The following KIZ variants were observed in gnomAD, a reference collection of about 807,000 sequenced individuals.
KIZ encodes the protein kizuna centrosomal protein.
A neutral mutation model predicts 79.6 loss-of-function variants in KIZ; 68 were observed. The observed-to-expected ratio is 0.85, with a 90% CI of 0.70 to 1.05. The LOEUF (loss-of-function observed/expected upper bound fraction) is 1.05, where lower values mean the gene tolerates loss of function less well. Among genes scored for constraint, KIZ ranks in the 50% least tolerant of loss-of-function variants. The pLI, the probability that KIZ is intolerant of heterozygous loss-of-function variation, is 0.00. For missense variants in KIZ, 797 were observed against 800.4 expected, an observed-to-expected ratio of 1.00 and a Z score of 0.05; for synonymous variants, 280 against 281.8, an observed-to-expected ratio of 0.99 and a Z score of 0.06.
chr20:21,127,702 T>G (rs1364418505), intron 1 of KIZ, among the ~76,000 whole-genome samples: 1 of 152,236 alleles, frequency 6.6e-6, no homozygotes, highest in Non-Finnish European at 1.5e-5. Context: ...GACACAGTTA[T>G]AGAGGCAAAT....
At chr20:21,203,855 G>A (rs184534524) in intron 6 of KIZ, among the ~76,000 whole-genome samples, 1 of 151,834 alleles carries the variant, frequency 6.6e-6, no homozygotes, top group African/African-American at 2.4e-5. Flanking sequence ...CAGTTCAGTA[G>A]TGTTAAATAT....
chr20:21,137,701 A>G (rs772229290), intron 3 of KIZ, among the ~76,000 whole-genome samples: 1 of 151,854 alleles, frequency 6.6e-6, no homozygotes, highest in Non-Finnish European at 1.5e-5. Flanking sequence ...TAAGCACTTG[A>G]GCGTGGATCT....
At chr20:21,142,673 TC>T (rs1424411236) in intron 3 of KIZ, among the ~76,000 whole-genome samples, 1 of 152,010 alleles carries the variant, frequency 6.6e-6, no homozygotes, top group Non-Finnish European at 1.5e-5. Flanking sequence ...TGTGCTCTAG[TC>T]CCAGCTATTT....
chr20:21,189,350 G>A (rs978424979), intron 6 of KIZ, among the ~76,000 whole-genome samples: 5 of 152,134 alleles, frequency 3.3e-5, no homozygotes, highest in African/African-American at 9.7e-5. Flanking sequence ...AATTACCAAA[G>A]AGAGAATGCT....
At chr20:21,238,110 C>T (rs762546058) in intron 11 of KIZ, among the ~76,000 whole-genome samples, 1 of 152,050 alleles carries the variant, frequency 6.6e-6, no homozygotes, top group African/African-American at 2.4e-5. Context: ...GGATTATAGG[C>T]GAGCCACCAT....
intron 9 of KIZ, among the ~76,000 whole-genome samples, chr20:21,224,638 G>T (rs2036603994): frequency 6.6e-6 from 1 of 151,962 alleles, no homozygotes; most frequent in African/African-American, 2.4e-5. Flanking sequence ...TCCCTTTGTT[G>T]TTTTTTTCTG....
At chr20:21,212,008 G>C (rs1439282324) in intron 7 of KIZ, among the ~76,000 whole-genome samples, 1 of 152,192 alleles carries the variant, frequency 6.6e-6, no homozygotes, top group Non-Finnish European at 1.5e-5. Context: ...AGAATCACTT[G>C]AACCTGGGAG....
In KIZ at chr20:21,163,009, A is replaced by G. The variant is rs1056436234; in HGVS notation, c.1202A>G (p.Lys401Arg). The change falls in exon 6 of 13, where the codon AAG (lysine) becomes AGG (arginine). Residue 401 changes from lysine to arginine, a missense_variant. Transcript: ENST00000619189. Reference protein sequence around the residue: ...SPEPQPNPGGKMEGEDGIEAL... With the variant: ...SPEPQPNPGGRMEGEDGIEAL... ...GAACCACAGCCAAATCCAGGTGGCA[A>G]GATGGAGGGAGAAGATGGAATAGAG... 1 of 1,613,856 alleles carries G rather than the reference A, an allele frequency of 6.2e-7. No individual in the cohort carries two copies. The highest frequency in any genetic ancestry group is 1.3e-5 in the African/African-American group (1 of 74,926).
intron 6 of KIZ, chr20:21,197,507 A>G (rs1378156936): frequency 6.6e-6 from 1 of 152,250 alleles, no homozygotes; most frequent in Non-Finnish European, 1.5e-5. Context: ...ATATAAAATT[A>G]GCCTTTTCTG....
chr20:21,211,200 C>T (rs2036054132), intron 7 of KIZ, among the ~76,000 whole-genome samples: 1 of 152,096 alleles, frequency 6.6e-6, no homozygotes, highest in Admixed American at 6.6e-5. Flanking sequence ...TTAAACTGAA[C>T]ATGGAGGAAA....
At chr20:21,217,578 A>T (rs1443314182) in intron 9 of KIZ, among the ~76,000 whole-genome samples, 1 of 152,152 alleles carries the variant, frequency 6.6e-6, no homozygotes, top group Admixed American at 6.6e-5. Context: ...GAAATGTAGC[A>T]GTTGGGCTGG....
At chr20:21,221,580 GT>G (rs978615206) in intron 9 of KIZ, among the ~76,000 whole-genome samples, 1 of 152,212 alleles carries the variant, frequency 6.6e-6, no homozygotes, top group Non-Finnish European at 1.5e-5. Context: ...GTCAAGCTGT[GT>G]TGAAAGTGGT....
chr20:21,126,002 T>C (rs938428890), upstream of KIZ: 1 of 1,324,566 alleles, frequency 7.5e-7, no homozygotes, highest in Admixed American at 3.9e-5. Flanking sequence ...CCCCGCCTCC[T>C]GCAGGCGGCC....
At chr20:21,210,836 A>C (rs2036037345) in intron 7 of KIZ, among the ~76,000 whole-genome samples, 1 of 150,890 alleles carries the variant, frequency 6.6e-6, no homozygotes, top group Admixed American at 6.6e-5. Flanking sequence ...TGACCTTTTT[A>C]TTACAATTGA....
rs759589460 is a variant in KIZ, at chr20:21,229,060, A to C, written c.1728A>C (p.Thr576=). The change falls in exon 10 of 13, where the codon ACA becomes ACC. Residue 576 remains threonine, a synonymous_variant. Coordinates refer to ENST00000619189, the MANE Select transcript of KIZ (RefSeq NM_018474.6). The stretch of plus-strand genomic sequence containing the variant: ...AGAAGGCCACCCTTCAGGATAATAC[A>C]AATCAAACTGAAAACAGGTTTCAAA... ...LLKKATLQDN[T]NQTENRFQKT... 4.3e-6 allele frequency: 7 copies of C among 1,612,714 alleles called. No homozygotes were observed. The East Asian group carries it at 1.6e-4, about 36-fold the overall frequency.
intron 6 of KIZ, among the ~76,000 whole-genome samples, chr20:21,182,905 C>T (rs892388315): frequency 3.9e-5 from 6 of 151,948 alleles, no homozygotes; most frequent in African/African-American, 1.2e-4. Flanking sequence ...TGCTCAAGAG[C>T]TATACAACAG....
At chr20:21,240,173 G>A (rs951661082) in intron 11 of KIZ, among the ~76,000 whole-genome samples, 3 of 152,026 alleles carry the variant, frequency 2.0e-5, no homozygotes, top group Admixed American at 6.6e-5. Flanking sequence ...CACCCAGGCT[G>A]GAGTGCAGTG....
intron 1 of KIZ, among the ~76,000 whole-genome samples, chr20:21,129,368 T>C (rs1424373334): frequency 1.3e-5 from 2 of 152,246 alleles, no homozygotes; most frequent in Admixed American, 6.5e-5. Context: ...AAGAACTTGC[T>C]GCTTGGGAGG....
intron 11 of KIZ, among the ~76,000 whole-genome samples, chr20:21,238,123 C>G (rs2037084963): frequency 6.6e-6 from 1 of 152,142 alleles, no homozygotes; most frequent in South Asian, 2.1e-4. Flanking sequence ...GCCACCATGC[C>G]CAGCGGCAGG....
Sources: gnomAD v4.1 joint callset for allele counts (sites outside exome capture counted in the v4.1 genomes callset) on GRCh38, gnomAD v4.1.1 for gene constraint, MANE v1.5 for transcripts, NCBI Gene and HGNC (gene_info 2026-07-23, HGNC 2026-07-21) for gene names.